The following SGCD variants were observed in gnomAD, a reference collection of about 807,000 sequenced individuals.
SGCD encodes delta-sarcoglycan.
In SGCD, 18 loss-of-function variants were observed where a neutral mutation model predicts 36.6. The observed-to-expected ratio is 0.49, with a 90% CI of 0.34 to 0.73. The LOEUF is 0.73. Ranked by LOEUF, SGCD falls within the 30% of genes least tolerant of loss-of-function variation. SGCD has a pLI of 0.01. For missense variants in SGCD, 387 were observed against 346.7 expected (o/e 1.12, Z -0.92); for synonymous variants, 133 against 130.6 (o/e 1.02, Z -0.12).
At chr5:156,098,613 ATATATT>A (rs1163356030) in intron 1 of SGCD, among the ~76,000 whole-genome samples, 11 of 149,088 alleles carry the variant, frequency 7.4e-5, no homozygotes, top group Non-Finnish European at 1.5e-4. Context: ...ATATATATAT[ATATATT>A]TATTTATGTT....
intron 7 of SGCD, among the ~76,000 whole-genome samples, chr5:156,754,262 A>G (rs1174027506): frequency 6.6e-6 from 1 of 152,172 alleles, no homozygotes; most frequent in Non-Finnish European, 1.5e-5. Flanking sequence ...AAAGCTCTGT[A>G]AGCTCCATAC....
chr5:156,530,209 A>G (rs545339616), intron 4 of SGCD, among the ~76,000 whole-genome samples: 1 of 152,244 alleles, frequency 6.6e-6, no homozygotes, highest in Admixed American at 6.5e-5. Flanking sequence ...AGATGTTACA[A>G]TAATTGAAGT....
At chr5:155,882,721 A>G (rs1755915250) in intron 1 of SGCD, among the ~76,000 whole-genome samples, 1 of 152,156 alleles carries the variant, frequency 6.6e-6, no homozygotes, top group South Asian at 2.1e-4. Flanking sequence ...GAAAACAGAT[A>G]TGCTATCATT....
chr5:156,287,190 G>T (rs1766629528), intron 3 of SGCD, among the ~76,000 whole-genome samples: 1 of 152,132 alleles, frequency 6.6e-6, no homozygotes, highest in Non-Finnish European at 1.5e-5. Context: ...TCCAAAATTT[G>T]CTGTGCAACA....
chr5:155,962,245 G>A (rs977858592), intron 1 of SGCD, among the ~76,000 whole-genome samples: 1 of 151,964 alleles, frequency 6.6e-6, no homozygotes, highest in Non-Finnish European at 1.5e-5. Context: ...ATGCCTTACC[G>A]AGCTTAGGAA....
chr5:155,990,311 GA>G (rs1758406348), intron 1 of SGCD, among the ~76,000 whole-genome samples: 1 of 152,228 alleles, frequency 6.6e-6, no homozygotes, highest in South Asian at 2.1e-4. Context: ...TAATGGTATT[GA>G]AACAAGGCAG....
intron 3 of SGCD, among the ~76,000 whole-genome samples, chr5:156,444,086 CT>C (rs1561699177): frequency 1.7e-4 from 19 of 115,094 alleles, no homozygotes; most frequent in African/African-American, 7.2e-4. Context: ...CTCTCTCTCT[CT>C]CTCTCTCTCT....
chr5:155,945,562 A>G (rs1757421717), intron 1 of SGCD, among the ~76,000 whole-genome samples: 1 of 152,192 alleles, frequency 6.6e-6, no homozygotes, highest in Non-Finnish European at 1.5e-5. Flanking sequence ...CAGAGGACGG[A>G]ACTAGCCTGA....
upstream of SGCD, among the ~76,000 whole-genome samples, chr5:155,868,474 A>C (rs1755569347): frequency 6.8e-6 from 1 of 146,702 alleles, no homozygotes. Flanking sequence ...TGAAACTGTG[A>C]GGCTTACAGG....
intron 4 of SGCD, among the ~76,000 whole-genome samples, chr5:156,545,273 G>A (rs564157321): frequency 7.9e-5 from 12 of 152,106 alleles, no homozygotes; most frequent in Non-Finnish European, 1.8e-4. Flanking sequence ...TGAAAGGAAA[G>A]AGAAGTTTAT....
intron 1 of SGCD, among the ~76,000 whole-genome samples, chr5:156,082,066 C>T (rs1760969270): frequency 6.6e-6 from 1 of 152,048 alleles, no homozygotes; most frequent in Non-Finnish European, 1.5e-5. Flanking sequence ...AATGACTGTC[C>T]AGGTGTGTTA....
chr5:155,756,502 G>A, the SGCD span, among the ~76,000 whole-genome samples: 1 of 152,154 alleles, frequency 6.6e-6, no homozygotes, highest in Admixed American at 6.6e-5. Flanking sequence ...GAGACCTTCT[G>A]TGAATATCAC....
chr5:156,470,392 T>C (rs552129384), intron 3 of SGCD, among the ~76,000 whole-genome samples: 2 of 152,182 alleles, frequency 1.3e-5, no homozygotes, highest in South Asian at 4.1e-4. Context: ...GTGCACAATG[T>C]GCAGTTTAGT....
chr5:156,229,660 G>A (rs1315255946), intron 3 of SGCD, among the ~76,000 whole-genome samples: 2 of 152,114 alleles, frequency 1.3e-5, no homozygotes, highest in African/African-American at 4.8e-5. Flanking sequence ...TGATATTTTT[G>A]TGATGAATTT....
At chr5:156,708,430 G>A (rs1754836357) in intron 7 of SGCD, among the ~76,000 whole-genome samples, 1 of 152,108 alleles carries the variant, frequency 6.6e-6, no homozygotes, top group African/African-American at 2.4e-5. Context: ...AGACAGCATG[G>A]TATAAGTTAA....
chr5:156,607,762 G>A (rs1051640900), intron 6 of SGCD, among the ~76,000 whole-genome samples: 1 of 152,082 alleles, frequency 6.6e-6, no homozygotes, highest in Non-Finnish European at 1.5e-5. Flanking sequence ...CTTCTTCCTG[G>A]TTTAGTCTTG....
the SGCD span, among the ~76,000 whole-genome samples, chr5:155,764,471 G>A: frequency 6.6e-6 from 1 of 152,184 alleles, no homozygotes; most frequent in Admixed American, 6.5e-5. Flanking sequence ...GTTGCAGGCT[G>A]AACTCAGATC....
intron 1 of SGCD, among the ~76,000 whole-genome samples, chr5:156,059,290 G>A (rs1206107854): frequency 1.4e-5 from 2 of 145,514 alleles, no homozygotes; most frequent in Non-Finnish European, 3.1e-5. Context: ...AACCAGGAAA[G>A]GGAAGGCGGG....
At chr5:155,756,462 C>T in the SGCD span, among the ~76,000 whole-genome samples, 2 of 152,106 alleles carry the variant, frequency 1.3e-5, no homozygotes, top group Non-Finnish European at 2.9e-5. Context: ...CATCACATCC[C>T]CCAAATTGTT....
Sources: allele counts gnomAD v4.1 joint callset (sites outside exome capture counted in the v4.1 genomes callset), GRCh38; gene constraint gnomAD v4.1.1; transcripts MANE v1.5; gene names NCBI Gene and HGNC (gene_info 2026-07-23, HGNC 2026-07-21).